The following QTMAN variants were observed in gnomAD, a reference collection of about 807,000 sequenced individuals.
The protein encoded by QTMAN is tRNA-queuosine alpha-mannosyltransferase.
At chr2:144,135,640 T>G in the QTMAN span, among the ~76,000 whole-genome samples, 1 of 152,198 alleles carries the variant, frequency 6.6e-6, no homozygotes. Context: ...TACCATGACA[T>G]ACTCACTTTC....
chr2:144,047,639 A>G, the QTMAN span, among the ~76,000 whole-genome samples: 1 of 152,204 alleles, frequency 6.6e-6, no homozygotes, highest in Non-Finnish European at 1.5e-5. Context: ...ACTATTAACT[A>G]TGACAGCAAC....
chr2:144,196,398 A>T, the QTMAN span, among the ~76,000 whole-genome samples: 1 of 152,164 alleles, frequency 6.6e-6, no homozygotes, highest in Non-Finnish European at 1.5e-5. Flanking sequence ...GGAACCACCA[A>T]AACAGTCTGA....
the QTMAN span, among the ~76,000 whole-genome samples, chr2:144,256,533 A>G: frequency 6.6e-6 from 1 of 152,228 alleles, no homozygotes; most frequent in Admixed American, 6.5e-5. Context: ...AAAAAGAATG[A>G]GTTCATGTCC....
chr2:143,943,485 A>T, the QTMAN span: 1 of 152,236 alleles, frequency 6.6e-6, no homozygotes, highest in East Asian at 1.9e-4. Context: ...TTGAAAACTG[A>T]TTCTATCATC....
chr2:144,079,286 G>A, the QTMAN span, among the ~76,000 whole-genome samples: 2 of 152,112 alleles, frequency 1.3e-5, no homozygotes, highest in African/African-American at 4.8e-5. Context: ...CACAATGCCA[G>A]TGAACAGTAC....
At chr2:144,290,114 CT>C in the QTMAN span, among the ~76,000 whole-genome samples, 116 of 147,090 alleles carry the variant, frequency 7.9e-4, no homozygotes, top group Middle Eastern at 3.5e-3. Flanking sequence ...TTTTATGTTA[CT>C]TTTTTTTTTT....
the QTMAN span, chr2:144,127,929 C>T: frequency 6.6e-6 from 1 of 152,050 alleles, no homozygotes; most frequent in Non-Finnish European, 1.5e-5. Flanking sequence ...CTGACCAGAA[C>T]ATCAGCCCAC....
At chr2:144,207,993 G>A in the QTMAN span, among the ~76,000 whole-genome samples, 13 of 152,092 alleles carry the variant, frequency 8.5e-5, no homozygotes. Context: ...TGAGACCAGA[G>A]GCACATGCCA....
chr2:144,041,912 A>G, the QTMAN span, among the ~76,000 whole-genome samples: 1 of 152,168 alleles, frequency 6.6e-6, no homozygotes, highest in African/African-American at 2.4e-5. Flanking sequence ...TAGCAGGGGC[A>G]GGATTTTACT....
the QTMAN span, among the ~76,000 whole-genome samples, chr2:144,044,058 T>A: frequency 6.6e-6 from 1 of 152,176 alleles, no homozygotes. Context: ...TTAATCCTAT[T>A]ACTTCACATG....
At chr2:144,053,995 G>A in the QTMAN span, among the ~76,000 whole-genome samples, 1 of 152,050 alleles carries the variant, frequency 6.6e-6, no homozygotes. Context: ...AGATCATCCT[G>A]GCTAACACGG....
the QTMAN span, chr2:144,145,561 T>A: frequency 1.3e-6 from 2 of 1,598,138 alleles, no homozygotes; most frequent in Non-Finnish European, 1.7e-6. Context: ...AATGATACAA[T>A]CCATACCTAC....
the QTMAN span, among the ~76,000 whole-genome samples, chr2:144,090,695 G>A: frequency 2.6e-5 from 4 of 151,840 alleles, no homozygotes; most frequent in African/African-American, 9.7e-5. Context: ...TGTATATATT[G>A]ATGTATATGT....
chr2:144,012,200 T>C, the QTMAN span, among the ~76,000 whole-genome samples: 1 of 152,066 alleles, frequency 6.6e-6, no homozygotes, highest in East Asian at 1.9e-4. Context: ...CCAGAAGCAT[T>C]GCCACAAAAC....
At chr2:144,014,294 C>CACAA in the QTMAN span, among the ~76,000 whole-genome samples, 1 of 152,172 alleles carries the variant, frequency 6.6e-6, no homozygotes, top group Non-Finnish European at 1.5e-5. Context: ...ATGCACACTG[C>CACAA]ACAAATGCTC....
the QTMAN span, among the ~76,000 whole-genome samples, chr2:144,172,261 C>T: frequency 4.0e-5 from 6 of 151,574 alleles, no homozygotes; most frequent in South Asian, 2.1e-4. Context: ...AAGATTTAAA[C>T]GACTTAAATA....
the QTMAN span, among the ~76,000 whole-genome samples, chr2:144,122,048 C>CT: frequency 6.6e-6 from 1 of 152,044 alleles, no homozygotes; most frequent in South Asian, 2.1e-4. Context: ...AGAGATGACT[C>CT]TTTTTTAATT....
chr2:144,318,712 AT>A, the QTMAN span, among the ~76,000 whole-genome samples: 1 of 152,230 alleles, frequency 6.6e-6, no homozygotes, highest in Non-Finnish European at 1.5e-5. Context: ...TTGAATAAAG[AT>A]TTCAAGGTAA....
the QTMAN span, among the ~76,000 whole-genome samples, chr2:143,996,773 C>T: frequency 7.2e-5 from 11 of 152,054 alleles, no homozygotes; most frequent in East Asian, 1.5e-3. Context: ...TATAACAGGA[C>T]AATGATTTTT....
Sources: allele counts gnomAD v4.1 joint callset (sites outside exome capture counted in the v4.1 genomes callset), GRCh38; gene constraint gnomAD v4.1.1; transcripts MANE v1.5; gene names NCBI Gene and HGNC (gene_info 2026-07-23, HGNC 2026-07-21).